Variants in ARHGAP12 observed in about 807,000 individuals in gnomAD.
ARHGAP12 encodes the protein Rho GTPase activating protein 12.
In ARHGAP12, 64 loss-of-function variants were observed where a neutral mutation model predicts 108.6. That is an observed-to-expected ratio of 0.59 (90% CI 0.48 to 0.73). The LOEUF is 0.73. Ranked by LOEUF, ARHGAP12 falls within the 30% of genes least tolerant of loss-of-function variation. ARHGAP12 has a pLI of 0.00. For synonymous variants in ARHGAP12, 312 were observed against 337.2 expected (o/e 0.93, Z 0.82); for missense variants, 940 against 1,005.9 (o/e 0.93, Z 0.89).
At chr10:31,899,368 T>C (rs1254487773) in intron 3 of ARHGAP12, among the ~76,000 whole-genome samples, 1 of 152,218 alleles carries the variant, frequency 6.6e-6, no homozygotes, top group Non-Finnish European at 1.5e-5. Context: ...AACTATTTTG[T>C]AGATATGGAC....
chr10:31,899,369 A>G (rs972823962), intron 3 of ARHGAP12, among the ~76,000 whole-genome samples: 2 of 152,234 alleles, frequency 1.3e-5, no homozygotes, highest in Non-Finnish European at 2.9e-5. Context: ...ACTATTTTGT[A>G]GATATGGACA....
intron 1 of ARHGAP12, among the ~76,000 whole-genome samples, chr10:31,926,907 AACT>A (rs1300753205): frequency 5.9e-5 from 9 of 152,122 alleles, no homozygotes; most frequent in Non-Finnish European, 1.3e-4. Context: ...ATATATGAAC[AACT>A]AATATATATA....
At chr10:31,852,833 T>C (rs1297539560) in intron 5 of ARHGAP12, among the ~76,000 whole-genome samples, 3 of 150,686 alleles carry the variant, frequency 2.0e-5, no homozygotes, top group Non-Finnish European at 4.4e-5. Flanking sequence ...TTCAAGCAAT[T>C]CTCCCGCATC....
intron 4 of ARHGAP12, among the ~76,000 whole-genome samples, chr10:31,855,504 A>G (rs1177174578): frequency 6.6e-6 from 1 of 152,332 alleles, no homozygotes; most frequent in East Asian, 1.9e-4. Context: ...AGAGCCTAAT[A>G]TTAATATGTT....
At chr10:31,838,659 G>A (rs946904159) in intron 9 of ARHGAP12, among the ~76,000 whole-genome samples, 6 of 151,748 alleles carry the variant, frequency 4.0e-5, no homozygotes, top group African/African-American at 1.2e-4. Context: ...GCGAAACCCC[G>A]TCTCTACTAA....
At chr10:31,815,025 CAG>C (rs1206458261) in intron 13 of ARHGAP12, among the ~76,000 whole-genome samples, 1 of 150,340 alleles carries the variant, frequency 6.7e-6, no homozygotes, top group East Asian at 2.0e-4. Context: ...GAGGCTGAGG[CAG>C]GAGAATCGGC....
At chr10:31,874,248 T>C (rs75741053) in intron 3 of ARHGAP12, among the ~76,000 whole-genome samples, 3,059 of 152,300 alleles carry the variant, frequency 0.02, 104 homozygotes, top group African/African-American at 0.069. Flanking sequence ...ATCTTTTCTG[T>C]CTCTCATCTT....
intron 3 of ARHGAP12, among the ~76,000 whole-genome samples, chr10:31,895,975 A>T (rs1177281790): frequency 6.6e-6 from 1 of 152,156 alleles, no homozygotes; most frequent in African/African-American, 2.4e-5. Context: ...CATTCTCAGC[A>T]AACTATCGCA....
chr10:31,861,776 GA>G, intron 3 of ARHGAP12, 118 bp from the exon 4 acceptor site: 1 of 874,662 alleles, frequency 1.1e-6, no homozygotes, highest in Non-Finnish European at 1.7e-6. Flanking sequence ...ATATACAGGT[GA>G]ATATATTCTG....
At chr10:31,888,915 C>CT (rs35366983) in intron 3 of ARHGAP12, among the ~76,000 whole-genome samples, 29,961 of 146,854 alleles carry the variant, frequency 0.2, 3,262 homozygotes, top group East Asian at 0.39. Flanking sequence ...CATAAGAGGA[C>CT]TTTTTTTTTT....
intron 4 of ARHGAP12, among the ~76,000 whole-genome samples, chr10:31,859,580 G>C (rs1837033356): frequency 1.4e-5 from 2 of 147,436 alleles, no homozygotes; most frequent in Non-Finnish European, 3.0e-5. Flanking sequence ...AATTTGTATA[G>C]AGACCAGTAA....
intron 3 of ARHGAP12, among the ~76,000 whole-genome samples, chr10:31,866,675 G>C (rs1279142541): frequency 6.6e-6 from 1 of 152,022 alleles, no homozygotes; most frequent in Non-Finnish European, 1.5e-5. Flanking sequence ...GAGTGTAATG[G>C]CACAATCTCG....
chr10:31,908,948 A>G, intron 2 of ARHGAP12, 22 bp from the exon 3 acceptor site: 2 of 1,232,182 alleles, frequency 1.6e-6, no homozygotes, highest in Non-Finnish European at 2.2e-6. Flanking sequence ...AAATGGAGAA[A>G]GAGAATGAAG....
At chr10:31,925,645 G>A (rs1038100341) in intron 1 of ARHGAP12, among the ~76,000 whole-genome samples, 2 of 152,160 alleles carry the variant, frequency 1.3e-5, no homozygotes, top group Admixed American at 6.5e-5. Flanking sequence ...TCTAGCCCTA[G>A]ATATTCTAAC....
At chr10:31,833,249 T>A (rs1835897390) in intron 9 of ARHGAP12, among the ~76,000 whole-genome samples, 1 of 151,536 alleles carries the variant, frequency 6.6e-6, no homozygotes, top group South Asian at 2.1e-4. Context: ...GGGCACTGAT[T>A]ACTTAAGCTA....
At chr10:31,893,347 A>T (rs1838537462) in intron 3 of ARHGAP12, among the ~76,000 whole-genome samples, 1 of 152,206 alleles carries the variant, frequency 6.6e-6, no homozygotes, top group Non-Finnish European at 1.5e-5. Flanking sequence ...ATAGACTGCT[A>T]GCAAGACTAA....
chr10:31,911,741 A>T (rs73253386), intron 1 of ARHGAP12, among the ~76,000 whole-genome samples: 7,793 of 152,286 alleles, frequency 0.051, 663 homozygotes, highest in African/African-American at 0.18. Context: ...GATGCAATAA[A>T]ACATACACAA....
chr10:31,900,738 C>G (rs1838883447), intron 3 of ARHGAP12, among the ~76,000 whole-genome samples: 1 of 152,096 alleles, frequency 6.6e-6, no homozygotes, highest in Non-Finnish European at 1.5e-5. Context: ...GTAATTACAT[C>G]CTGTATGGTG....
At position 31,842,960 on chromosome 10, in the gene ARHGAP12, T is replaced by C. The variant is rs1836325241; in HGVS notation, c.1296+501A>G. On this transcript the variant is annotated intron_variant, in intron 7 of 19. Coordinates refer to ENST00000344936, the MANE Select transcript of ARHGAP12 (RefSeq NM_018287.7). ...CTCCTCAGACTGATAAAAGAAGTGCTTTCTGCAGAGAGCATTTAGAGAAAC... is the reference window on the plus strand; with the variant it reads ...CTCCTCAGACTGATAAAAGAAGTGCCTTCTGCAGAGAGCATTTAGAGAAAC... Among the ~76,000 whole-genome samples, 4 of 152,140 alleles carry C rather than the reference T, an allele frequency of 2.6e-5. 1 individual carries two copies. Among genetic ancestry groups the C allele is most frequent in the Admixed American group, 2.6e-4 (4 of 15,270 alleles).
Sources: allele counts gnomAD v4.1 joint callset (sites outside exome capture counted in the v4.1 genomes callset), GRCh38; gene constraint gnomAD v4.1.1; transcripts MANE v1.5; gene names NCBI Gene and HGNC (gene_info 2026-07-23, HGNC 2026-07-21).